Variants in ARHGEF9 observed in about 807,000 individuals in gnomAD.
ARHGEF9 encodes the protein Cdc42 guanine nucleotide exchange factor 9, also known as rho guanine nucleotide exchange factor 9.
A neutral mutation model predicts 41.3 loss-of-function variants in ARHGEF9; 2 were observed. The observed-to-expected ratio is 0.05, with a 90% CI of 0.02 to 0.15. ARHGEF9 has a LOEUF of 0.15. Among genes scored for constraint, ARHGEF9 ranks in the 10% least tolerant of loss-of-function variants. ARHGEF9 has a pLI of 1.00. For missense variants in ARHGEF9, 225 were observed against 424.7 expected (o/e 0.53, Z 4.13); for synonymous variants, 160 against 154.4 (o/e 1.04, Z -0.27).
intron 1 of ARHGEF9, among the ~76,000 whole-genome samples, chrX:63,750,152 C>T (rs1556439016): frequency 8.9e-6 from 1 of 112,032 alleles, no homozygotes; most frequent in South Asian, 3.7e-4. Flanking sequence ...ATTCTTATAT[C>T]CCTGCCCAGA....
chrX:63,672,328 T>C (rs2050009785), intron 6 of ARHGEF9, among the ~76,000 whole-genome samples: 1 of 109,487 alleles, frequency 9.1e-6, no homozygotes, highest in African/African-American at 3.3e-5. Flanking sequence ...GCAGCCTGAA[T>C]GAAGTAGGAT....
In ARHGEF9 at chrX:63,635,716, G is replaced by C; in HGVS notation, c.*2312C>G. Reference sequence around the variant, plus strand: ...GAAGCCCCAAGGAGGGAGGAAATGAGAGGGCCTAGTCAAGAAATGTAGGCC... The same window carrying C: ...GAAGCCCCAAGGAGGGAGGAAATGACAGGGCCTAGTCAAGAAATGTAGGCC... On this transcript the variant is annotated 3_prime_UTR_variant, in exon 10 of 10. Coordinates refer to ENST00000671741, the MANE Select transcript of ARHGEF9 (RefSeq NM_001353921.2). 1 of 234,470 alleles carries C rather than the reference G, an allele frequency of 4.3e-6. No individual in the cohort carries two copies. The highest frequency in any genetic ancestry group is 7.4e-6 in the Non-Finnish European group (1 of 134,381). 19.3% of individuals were successfully genotyped at this position (234,470 alleles called of 1,213,427 possible).
intron 1 of ARHGEF9, among the ~76,000 whole-genome samples, chrX:63,742,686 C>A (rs1373108530): frequency 8.9e-6 from 1 of 111,924 alleles, no homozygotes; most frequent in Non-Finnish European, 1.9e-5. Context: ...AAGGCCCAGT[C>A]TTTAAGAACA....
chrX:63,655,668 T>C lies in ARHGEF9; in HGVS notation c.1147A>G (p.Ile383Val). The C allele has an allele frequency of 8.3e-7, 1 of 1,211,045 alleles. No homozygotes were observed. Among genetic ancestry groups the C allele is most frequent in the Non-Finnish European group, 1.1e-6 (1 of 895,132 alleles). Reference protein sequence around the residue: ...IDMDKYEVVDIEDGRDDDFNV... With the variant: ...IDMDKYEVVDVEDGRDDDFNV... ...AAGTCATCATCTCTGCCATCCTCAATGTCAACTACCTCATATTTATCCATG... is the reference window on the plus strand; with the variant it reads ...AAGTCATCATCTCTGCCATCCTCAACGTCAACTACCTCATATTTATCCATG... The change falls in exon 8 of 10, where the codon ATT (isoleucine) becomes GTT (valine). Residue 383 changes from isoleucine to valine, a missense_variant. This residue lies in a region of ARHGEF9 where 75 missense variants were observed against 113.2 expected (regional missense o/e 0.66). Coordinates refer to ENST00000671741, the MANE Select transcript of ARHGEF9 (RefSeq NM_001353921.2).
intron 2 of ARHGEF9, chrX:63,707,361 A>T (rs1262812965): frequency 1.3e-5 from 1 of 79,756 alleles, no homozygotes; most frequent in Non-Finnish European, 2.4e-5. Flanking sequence ...GTGGGAAGCT[A>T]AAAAAAAAAA....
intron 6 of ARHGEF9, 152 bp from the exon 7 acceptor site, chrX:63,666,169 C>T: frequency 1.3e-6 from 1 of 767,138 alleles, no homozygotes; most frequent in Non-Finnish European, 1.9e-6. Flanking sequence ...CCTGGGACTC[C>T]TCAAAAAGCT....
In ARHGEF9 at chrX:63,666,402, T is replaced by TTA. The variant is rs781961065; in HGVS notation, c.946-387_946-386dup. The stretch of plus-strand genomic sequence containing the variant: ...AGAAAGAGAGAGAGAGAGATTTTCT[T>TTA]TATATATATATATATACACACACAC... On this transcript the variant is annotated intron_variant, in intron 6 of 9. Coordinates refer to ENST00000671741, the MANE Select transcript of ARHGEF9 (RefSeq NM_001353921.2). Among the ~76,000 whole-genome samples the TTA allele has an allele frequency of 2.4e-3, 226 of 93,537 alleles. 1 individual carries two copies. Among genetic ancestry groups the TTA allele is most frequent in the East Asian group, 7.4e-3 (22 of 2,957 alleles). 81.2% of individuals were successfully genotyped at this position (93,537 alleles called of 115,157 possible).
chrX:63,635,412 A>C lies in ARHGEF9; in HGVS notation c.*2616T>G, dbSNP rs1556296152. ...CACTGAGTTGAGGAAAAGGGAGCTC[A>C]GGGCCATGCGGAAATTACAACATTA... On this transcript the variant is annotated 3_prime_UTR_variant, in exon 10 of 10. Coordinates refer to ENST00000671741, the MANE Select transcript of ARHGEF9 (RefSeq NM_001353921.2). 1 of 521,098 alleles carries C rather than the reference A, an allele frequency of 1.9e-6. No individual in the cohort carries two copies. The highest frequency in any genetic ancestry group is 2.3e-5 in the African/African-American group (1 of 43,019). 42.9% of individuals were successfully genotyped at this position (521,098 alleles called of 1,213,427 possible).
At chrX:63,754,457 C>T in intron 1 of ARHGEF9, 1 of 1,139,027 alleles carries the variant, frequency 8.8e-7, no homozygotes, top group Admixed American at 2.9e-5. Context: ...AGCGAGAGTT[C>T]GCGACAGCTC....
intron 1 of ARHGEF9, among the ~76,000 whole-genome samples, chrX:63,763,257 A>G (rs2056062973): frequency 9.0e-6 from 1 of 111,529 alleles, no homozygotes; most frequent in South Asian, 3.7e-4. Flanking sequence ...TTATATCTGC[A>G]TAAAGAAACT....
At chrX:63,705,972 G>A (rs1602488684) in intron 3 of ARHGEF9, among the ~76,000 whole-genome samples, 1 of 111,558 alleles carries the variant, frequency 9.0e-6, no homozygotes, top group Admixed American at 9.5e-5. Context: ...AGGTAGAGAT[G>A]CAGGGGAGAG....
chrX:63,772,408 C>T (rs2056220453), intron 1 of ARHGEF9, among the ~76,000 whole-genome samples: 1 of 111,886 alleles, frequency 8.9e-6, no homozygotes, highest in African/African-American at 3.2e-5. Flanking sequence ...AAAGCAGACC[C>T]TATCATTCCA....
chrX:63,686,707 T>C (rs1195356631), intron 4 of ARHGEF9, among the ~76,000 whole-genome samples: 1 of 111,105 alleles, frequency 9.0e-6, no homozygotes, highest in Non-Finnish European at 1.9e-5. Context: ...ACAGTATATG[T>C]AGCTTTACTC....
intron 7 of ARHGEF9, among the ~76,000 whole-genome samples, chrX:63,660,619 G>C (rs1237113751): frequency 8.9e-6 from 1 of 111,996 alleles, no homozygotes; most frequent in Non-Finnish European, 1.9e-5. Flanking sequence ...TTGGGTTCAG[G>C]CTGTCCAGCT....
intron 1 of ARHGEF9, chrX:63,766,765 A>G (rs1476091476): frequency 1.3e-4 from 28 of 210,478 alleles, no homozygotes; most frequent in Non-Finnish European, 2.4e-4. Context: ...GTGCCCCTCT[A>G]TCTCCCATCT....
At chrX:63,753,818 T>C (rs1475724357) in intron 1 of ARHGEF9, among the ~76,000 whole-genome samples, 1 of 112,020 alleles carries the variant, frequency 8.9e-6, no homozygotes, top group Non-Finnish European at 1.9e-5. Context: ...AAGGACACAG[T>C]CACCAACTGC....
intron 1 of ARHGEF9, among the ~76,000 whole-genome samples, chrX:63,728,023 G>C (rs782258572): frequency 1.8e-5 from 2 of 111,501 alleles, no homozygotes; most frequent in Non-Finnish European, 3.8e-5. Context: ...CTGCTTTGTA[G>C]GGTATAAAAC....
In ARHGEF9 at chrX:63,751,063, T is replaced by C. The variant is rs1316864913; in HGVS notation, c.31-26352A>G. 2.7e-5 allele frequency among the ~76,000 whole-genome samples: 3 copies of C among 111,001 alleles called. No homozygotes were observed. In the East Asian group the frequency reaches 8.5e-4, roughly 32 times the overall value. On this transcript the variant is annotated intron_variant, in intron 1 of 9. Transcript: ENST00000671741. ...TACCAGTAGAGGGCATTTTCTTTAATTCTTTGATGGGGATCCAGGAGCGAA... is the reference window on the plus strand; with the variant it reads ...TACCAGTAGAGGGCATTTTCTTTAACTCTTTGATGGGGATCCAGGAGCGAA...
chrX:63,766,942 A>G (rs1249270930), intron 1 of ARHGEF9: 1 of 466,792 alleles, frequency 2.1e-6, no homozygotes, highest in Non-Finnish European at 3.9e-6. Flanking sequence ...CACAGAAAGA[A>G]GGAGGTGGTT....
Sources: allele counts gnomAD v4.1 joint callset (sites outside exome capture counted in the v4.1 genomes callset), GRCh38; gene constraint gnomAD v4.1.1; regional missense constraint gnomAD v4.1.1; transcripts MANE v1.5; gene names NCBI Gene and HGNC (gene_info 2026-07-23, HGNC 2026-07-21).